The following PKIA variants were observed in gnomAD, a reference collection of about 807,000 sequenced individuals.
PKIA encodes cAMP-dependent protein kinase inhibitor alpha.
Under a neutral mutation model 7.6 loss-of-function variants are expected in PKIA, and 4 were observed. The observed-to-expected ratio is 0.52, with a 90% confidence interval of 0.26 to 1.20. The LOEUF is 1.20. Among genes scored for constraint, PKIA ranks in the 50% most tolerant of loss-of-function variants. The probability of loss-of-function intolerance (pLI) is 0.13; values close to 1 mark genes in which losing one functional copy is unlikely to be tolerated. For missense variants in PKIA, 73 were observed against 86.2 expected, an observed-to-expected ratio of 0.85 and a Z score of 0.61; for synonymous variants, 21 against 30.7, an observed-to-expected ratio of 0.68 and a Z score of 1.04.
In PKIA at chr8:78,598,394, G is replaced by A; in HGVS notation, c.10G>A (p.Val4Met). The change falls in exon 3 of 4, where the codon GTG becomes ATG. Residue 4 changes from valine to methionine, a missense_variant. By Grantham distance (21) the Val-to-Met change is conservative. Coordinates refer to ENST00000396418, the MANE Select transcript of PKIA (RefSeq NM_006823.4). ...TGGATATTTGGTAGCAATGACTGAT[G>A]TGGAAACTACATATGCAGATTTTAT... Reference protein sequence around the residue: MTDVETTYADFIAS... With the variant: MTDMETTYADFIAS... 1 of 1,610,174 alleles carries A rather than the reference G, an allele frequency of 6.2e-7. No homozygotes were observed. The highest frequency in any genetic ancestry group is 8.5e-7 in the Non-Finnish European group (1 of 1,177,480).
In PKIA at chr8:78,602,524, GTTGA is replaced by G. The variant is rs1554584752; in HGVS notation, c.*706_*709del. 1 of 152,112 alleles carries G rather than the reference GTTGA, an allele frequency of 6.6e-6. No homozygotes were observed. Among genetic ancestry groups the G allele is most frequent in the Non-Finnish European group, 1.5e-5 (1 of 67,890 alleles). 9.4% of individuals were successfully genotyped at this position (152,112 alleles called of 1,614,324 possible). On this transcript the variant is annotated 3_prime_UTR_variant, in exon 4 of 4. Transcript: ENST00000396418. ...CCCCTTGCTCATTGTATGTTGATGA[GTTGA>G]TTAAGTCTAACAGATTCATCAAGAC...
At chr8:78,584,127 A>T (rs1349359052) in intron 2 of PKIA, among the ~76,000 whole-genome samples, 1 of 152,012 alleles carries the variant, frequency 6.6e-6, no homozygotes, top group Non-Finnish European at 1.5e-5. Flanking sequence ...AGTAGTTATG[A>T]TTAACCCTGT....
intron 2 of PKIA, among the ~76,000 whole-genome samples, chr8:78,574,828 T>C (rs1807636036): frequency 6.6e-6 from 1 of 151,966 alleles, no homozygotes; most frequent in Admixed American, 6.6e-5. Flanking sequence ...CTGCATTCTC[T>C]TGGGAACAGG....
rs1808436771 is a variant in PKIA at position 78,604,836 on chromosome 8, G to T, written c.*3015G>T. On this transcript the variant is annotated 3_prime_UTR_variant, in exon 4 of 4. Transcript: ENST00000396418. Reference sequence around the variant, plus strand: ...GCCAACATATTATCATAAATTCATAGAAATATTTTTAAAAATAAATAACAG... The same window carrying T: ...GCCAACATATTATCATAAATTCATATAAATATTTTTAAAAATAAATAACAG... The T allele has an allele frequency of 6.6e-6, 1 of 150,568 alleles. No homozygotes were observed. The highest frequency in any genetic ancestry group is 3.2e-3 in the Middle Eastern group (1 of 314). 9.3% of individuals were successfully genotyped at this position (150,568 alleles called of 1,614,324 possible). A position where few individuals can be genotyped will look rare whatever the true frequency, so the allele number is the denominator to read the frequency against.
intron 1 of PKIA, among the ~76,000 whole-genome samples, chr8:78,562,816 G>C (rs1807316004): frequency 6.7e-6 from 1 of 149,922 alleles, no homozygotes; most frequent in Non-Finnish European, 1.5e-5. Context: ...CAAGGACTTT[G>C]TGTTCATTCA....
At chr8:78,590,856 T>A (rs1472539285) in intron 2 of PKIA, among the ~76,000 whole-genome samples, 3 of 152,178 alleles carry the variant, frequency 2.0e-5, no homozygotes, top group Admixed American at 6.6e-5. Flanking sequence ...ATGTAATAGA[T>A]ATCTGAGACC....
At chr8:78,532,590 A>G (rs1442536895) in intron 1 of PKIA, among the ~76,000 whole-genome samples, 1 of 151,826 alleles carries the variant, frequency 6.6e-6, no homozygotes, top group Non-Finnish European at 1.5e-5. Context: ...TTACTATTGC[A>G]TCGGGTCACT....
intron 1 of PKIA, among the ~76,000 whole-genome samples, chr8:78,565,592 G>A (rs1250945138): frequency 2.0e-5 from 3 of 151,766 alleles, no homozygotes; most frequent in African/African-American, 4.8e-5. Flanking sequence ...ATTTATTAAG[G>A]ATACCTGGCA....
chr8:78,536,859 TACACACACACACACACACACACACAC>T (rs58547049), intron 1 of PKIA, among the ~76,000 whole-genome samples: 12 of 136,042 alleles, frequency 8.8e-5, no homozygotes, highest in South Asian at 2.5e-4. Context: ...CTAGAAAACA[TACACACACACACACACACACACACAC>T]ACACACACAC....
chr8:78,526,977 CA>C (rs913348663), intron 1 of PKIA, among the ~76,000 whole-genome samples: 2 of 151,860 alleles, frequency 1.3e-5, no homozygotes, highest in Non-Finnish European at 2.9e-5. Context: ...AAAACAAGTA[CA>C]AAAACTGTGT....
chr8:78,596,891 T>TGTGTAGCCAG (rs1352924381), intron 2 of PKIA, among the ~76,000 whole-genome samples: 2 of 152,212 alleles, frequency 1.3e-5, no homozygotes, highest in Non-Finnish European at 2.9e-5. Context: ...CAGTCTTCAA[T>TGTGTAGCCAG]CTACATGTGG....
chr8:78,584,819 G>T (rs1333444616), intron 2 of PKIA, among the ~76,000 whole-genome samples: 2 of 152,018 alleles, frequency 1.3e-5, no homozygotes, highest in Non-Finnish European at 2.9e-5. Flanking sequence ...TGTAGTCAAA[G>T]GAAAGATTTT....
At chr8:78,558,255 T>A (rs1563578879) in intron 1 of PKIA, among the ~76,000 whole-genome samples, 1 of 152,292 alleles carries the variant, frequency 6.6e-6, no homozygotes, top group East Asian at 1.9e-4. Context: ...GAGGTCCAAG[T>A]AAGTGGCAGG....
At chr8:78,601,594 AC>A in intron 3 of PKIA, 147 bp from the exon 4 acceptor site, 1 of 660,194 alleles carries the variant, frequency 1.5e-6, no homozygotes, top group South Asian at 1.8e-5. Flanking sequence ...TTAGTGGTGA[AC>A]TGACTACCAA....
chr8:78,526,579 T>A (rs186623880), intron 1 of PKIA, among the ~76,000 whole-genome samples: 1 of 152,158 alleles, frequency 6.6e-6, no homozygotes, highest in Non-Finnish European at 1.5e-5. Context: ...AAGTTTCATA[T>A]TATTAAGTTG....
intron 1 of PKIA, among the ~76,000 whole-genome samples, chr8:78,532,321 A>G (rs1356844667): frequency 6.6e-6 from 1 of 151,858 alleles, no homozygotes; most frequent in Non-Finnish European, 1.5e-5. Context: ...AAATTACAAA[A>G]CAAACAAACA....
rs187737998 is a variant in PKIA at position 78,575,647 on chromosome 8, G to A, written c.-28+2708G>A. ...AACATGTGTAACCACGATTAGAACT[G>A]CTGGGTCATGGGGAATTTGAATATT... is the stretch of plus-strand genomic sequence containing the variant. On this transcript the variant is annotated intron_variant, in intron 2 of 3. Transcript: ENST00000396418. Among the ~76,000 whole-genome samples, 3 of 152,092 alleles carry A rather than the reference G, an allele frequency of 2.0e-5. No individual in the cohort carries two copies. In the East Asian group the frequency reaches 5.8e-4, roughly 29 times the overall value.
At chr8:78,590,580 T>G (rs1269180714) in intron 2 of PKIA, among the ~76,000 whole-genome samples, 4 of 151,488 alleles carry the variant, frequency 2.6e-5, no homozygotes, top group Admixed American at 6.6e-5. Flanking sequence ...TGTCTTTTAT[T>G]AAGCCAGACA....
Position 78,595,553 on chromosome 8 carries a change from C to T in PKIA, c.-27-2805C>T, listed in dbSNP as rs113679495. Among the ~76,000 whole-genome samples the T allele has an allele frequency of 1.9e-3, 286 of 152,136 alleles. 3 individuals are homozygous for T. Among genetic ancestry groups the T allele is most frequent in the Middle Eastern group, 6.8e-3 (2 of 294 alleles). On this transcript the variant is annotated intron_variant, in intron 2 of 3. Transcript: ENST00000396418. ...TATTACCCAGGTAATAAGCATAGTA[C>T]CCTATAGTTTTTTGATCCTCACCCT...
Sources: gnomAD v4.1 joint callset for allele counts (sites outside exome capture counted in the v4.1 genomes callset) on GRCh38, gnomAD v4.1.1 for gene constraint, MANE v1.5 for transcripts, NCBI Gene and HGNC (gene_info 2026-07-23, HGNC 2026-07-21) for gene names.